ZNF670: variants seen among roughly 807,000 people sequenced by gnomAD.
ZNF670 encodes the protein zinc finger protein 670.
Under a neutral mutation model 10.9 loss-of-function variants are expected in ZNF670, and 7 were observed. The ratio of observed to expected loss-of-function variants is 0.64; its 90% CI spans 0.36 to 1.20. ZNF670 has a LOEUF of 1.20. Among genes scored for constraint, ZNF670 ranks in the 50% most tolerant of loss-of-function variants. ZNF670 has a pLI of 0.02. For missense variants in ZNF670, 446 were observed against 458.6 expected (o/e 0.97, Z 0.25); for synonymous variants, 136 against 152.7 (o/e 0.89, Z 0.81).
rs142649426 is a variant in ZNF670, at chr1:247,037,675, C to A, written c.944G>T (p.Gly315Val). The A allele has an allele frequency of 6.2e-7, 1 of 1,613,972 alleles. No individual in the cohort carries two copies. The highest frequency in any genetic ancestry group is 1.7e-5 in the Admixed American group (1 of 60,002). The change falls in exon 4 of 4, where the codon GGT (glycine) becomes GTT (valine). Residue 315 changes from glycine (G) to valine (V), a missense_variant. Transcript: ENST00000366503. ...GEKPYECKQC[G>V]KAFKYSSNLC... is the part of the protein sequence containing the mutation. The stretch of plus-strand genomic sequence containing the variant: ...GTTACTAGAATATTTGAAGGCTTTA[C>A]CACATTGTTTACATTCATAGGGCTT...
chr1:247,056,909 G>A (rs545470124), intron 1 of ZNF670, among the ~76,000 whole-genome samples: 1 of 152,258 alleles, frequency 6.6e-6, no homozygotes, highest in East Asian at 1.9e-4. Flanking sequence ...AGAAAGCATT[G>A]GGGAAACTCT....
intron 1 of ZNF670, chr1:247,043,302 A>G: frequency 8.1e-6 from 5 of 618,888 alleles, no homozygotes; most frequent in South Asian, 1.6e-5. Context: ...GGTCTGTGAT[A>G]AATCAGTTAG....
intron 1 of ZNF670, among the ~76,000 whole-genome samples, chr1:247,047,463 G>A (rs1369973918): frequency 6.6e-6 from 1 of 151,856 alleles, no homozygotes; most frequent in Non-Finnish European, 1.5e-5. Flanking sequence ...TCTCTATGTG[G>A]GCTACACCAC....
At chr1:247,039,342 T>C (rs1670250240) in intron 2 of ZNF670, 69 bp downstream of exon 2, 2 of 1,561,208 alleles carry the variant, frequency 1.3e-6, no homozygotes, top group East Asian at 4.8e-5. Flanking sequence ...ATTACAGGTG[T>C]GAGCCACCAC....
chr1:247,038,728 T>C, intron 3 of ZNF670, 82 bp downstream of exon 3: 3 of 1,263,890 alleles, frequency 2.4e-6, no homozygotes, highest in Admixed American at 2.2e-5. Context: ...TAGTGGTTCT[T>C]AGTTGTTTTG....
chr1:247,043,969 TG>T, intron 1 of ZNF670: 1 of 190,930 alleles, frequency 5.2e-6, no homozygotes, highest in East Asian at 1.7e-4. Flanking sequence ...CTTGAAAACC[TG>T]GGTAAACACC....
At chr1:247,058,371 A>T (rs1670769327) in intron 1 of ZNF670, among the ~76,000 whole-genome samples, 1 of 152,226 alleles carries the variant, frequency 6.6e-6, no homozygotes, top group African/African-American at 2.4e-5. Flanking sequence ...GAAATGCAGT[A>T]CAAGTGGTGC....
chr1:247,038,773 C>T lies in ZNF670; in HGVS notation c.191+37G>A, dbSNP rs1420540255. 8.3e-6 allele frequency: 13 copies of T among 1,559,922 alleles called. 1 individual carries two copies. The highest frequency in any genetic ancestry group is 1.1e-5 in the Non-Finnish European group (12 of 1,135,890). On this transcript the variant is annotated intron_variant, in intron 3 of 3. Transcript: ENST00000366503. ...AAAACTTATGACATGCTAAGATTCC[C>T]TCAAGGGGCATTTTTGCTCTTGTGA...
chr1:247,078,317 G>A lies in ZNF670; in HGVS notation c.3+277C>T, dbSNP rs746708363. Among the ~76,000 whole-genome samples, 10 of 152,238 alleles carry A rather than the reference G, an allele frequency of 6.6e-5. 1 individual carries two copies. The highest frequency in any genetic ancestry group is 1.3e-4 in the Admixed American group (2 of 15,292). On this transcript the variant is annotated intron_variant, in intron 1 of 3. Transcript: ENST00000366503. ...ACCCCAAGTCGGGACTCTCCCCTGA[G>A]GACCCTCCCGTCGGCACCGCACGAT...
At chr1:247,047,185 A>G (rs1402821849) in intron 1 of ZNF670, among the ~76,000 whole-genome samples, 1 of 152,214 alleles carries the variant, frequency 6.6e-6, no homozygotes, top group Admixed American at 6.5e-5. Flanking sequence ...GGTCTGCAGG[A>G]TGGTGGCTCT....
rs572030895 is a variant in ZNF670 at position 247,036,856 on chromosome 1, C to G, written c.*593G>C. The G allele has an allele frequency of 3.3e-5, 4 of 120,414 alleles. No individual in the cohort carries two copies. Among genetic ancestry groups the G allele is most frequent in the African/African-American group, 1.3e-4 (4 of 31,198 alleles). 7.5% of individuals were successfully genotyped at this position (120,414 alleles called of 1,614,324 possible). ...CTTTACAACAAAAAAGTAGTTTTCC[C>G]ATAAAAAGGTAGAATACACACACAC... On this transcript the variant is annotated 3_prime_UTR_variant, in exon 4 of 4. Transcript: ENST00000366503.
intron 1 of ZNF670, among the ~76,000 whole-genome samples, chr1:247,052,548 T>A (rs1194068348): frequency 6.6e-6 from 1 of 152,184 alleles, no homozygotes; most frequent in Admixed American, 6.6e-5. Context: ...GGGTTTTTTT[T>A]TCGGTGCATT....
In ZNF670 at chr1:247,038,198, A is replaced by G. The variant is rs1362839791; in HGVS notation, c.421T>C (p.Tyr141His). ...FECEECPEKL[Y>H]HCKQCGKAFI... ...GCTTTCCCACATTGTTTGCAATGATATAACTTCTCTGGACATTCCTCACAC... is the reference window on the plus strand; with the variant it reads ...GCTTTCCCACATTGTTTGCAATGATGTAACTTCTCTGGACATTCCTCACAC... The change falls in exon 4 of 4, where the codon TAT becomes CAT. Residue 141 changes from tyrosine to histidine, a missense_variant. Tyr to His is a moderately conservative substitution (Grantham distance 83). Coordinates refer to ENST00000366503, the MANE Select transcript of ZNF670 (RefSeq NM_033213.5). The G allele has an allele frequency of 7.4e-6, 12 of 1,614,196 alleles. No individual in the cohort carries two copies. Among genetic ancestry groups the G allele is most frequent in the South Asian group, 1.1e-5 (1 of 91,076 alleles).
intron 1 of ZNF670, among the ~76,000 whole-genome samples, chr1:247,067,516 G>T (rs915935851): frequency 4.0e-5 from 6 of 149,262 alleles, no homozygotes. Context: ...AACCAAAGAA[G>T]AAATGGACAA....
intron 1 of ZNF670, among the ~76,000 whole-genome samples, chr1:247,073,981 C>T (rs1471832504): frequency 3.9e-5 from 6 of 152,246 alleles, no homozygotes; most frequent in South Asian, 2.1e-4. Flanking sequence ...GTAGAGGACA[C>T]GGGAACATAG....
chr1:247,075,248 C>A (rs1020821839), intron 1 of ZNF670, among the ~76,000 whole-genome samples: 1 of 152,188 alleles, frequency 6.6e-6, no homozygotes, highest in Non-Finnish European at 1.5e-5. Flanking sequence ...TAGCATTAAA[C>A]TCCAATGTCC....
chr1:247,078,774 C>G lies in ZNF670; in HGVS notation c.-178G>C, dbSNP rs886497180. The G allele has an allele frequency of 1.5e-6, 1 of 649,134 alleles. No individual in the cohort carries two copies. The highest frequency in any genetic ancestry group is 3.0e-5 in the Admixed American group (1 of 32,822). The allele number at this position is 649,134 out of a possible 1,614,324, so 40.2% of individuals were successfully genotyped here. ...CCAACACAAAAGCCGCGCCAGGTCC[C>G]GGAAGCTGCTCCCTCCTTTCGCGGC... On this transcript the variant is annotated 5_prime_UTR_variant, in exon 1 of 4. Coordinates refer to ENST00000366503, the MANE Select transcript of ZNF670 (RefSeq NM_033213.5).
At chr1:247,072,809 T>TATAC (rs1671160823) in intron 1 of ZNF670, among the ~76,000 whole-genome samples, 2 of 35,632 alleles carry the variant, frequency 5.6e-5, no homozygotes, top group South Asian at 1.7e-3. Flanking sequence ...TGTGTGTATA[T>TATAC]ATATATATAT....
Position 247,069,652 on chromosome 1 carries a change from T to C in ZNF670, c.3+8942A>G, listed in dbSNP as rs1671070909. Among the ~76,000 whole-genome samples, 3 of 152,068 alleles carry C rather than the reference T, an allele frequency of 2.0e-5. No homozygotes were observed. The South Asian group carries it at 6.2e-4, about 31-fold the overall frequency. ...AATGTACATACACACAGTGGAGAAC[T>C]ATTCAGCCATAAGAAAGCATGAGAG... On this transcript the variant is annotated intron_variant, in intron 1 of 3. Coordinates refer to ENST00000366503, the MANE Select transcript of ZNF670 (RefSeq NM_033213.5).
Sources: gnomAD v4.1 joint callset for allele counts (sites outside exome capture counted in the v4.1 genomes callset) on GRCh38, gnomAD v4.1.1 for gene constraint, MANE v1.5 for transcripts, NCBI Gene and HGNC (gene_info 2026-07-23, HGNC 2026-07-21) for gene names.